The following NAT1 variants were observed in gnomAD, a reference collection of about 807,000 sequenced individuals.
NAT1 encodes arylamine N-acetyltransferase 1.
For synonymous variants in NAT1, 144 were observed against 122.6 expected (o/e 1.17, Z -1.16); for missense variants, 400 against 339.2 (o/e 1.18, Z -1.41).
chr8:18,193,572 T>A (rs1644991396), intron 2 of NAT1, among the ~76,000 whole-genome samples: 1 of 148,184 alleles, frequency 6.7e-6, no homozygotes, highest in African/African-American at 2.5e-5. Flanking sequence ...GAGACAGTCC[T>A]TCTATCATGT....
intron 2 of NAT1, among the ~76,000 whole-genome samples, chr8:18,183,601 C>A (rs1432964524): frequency 6.6e-6 from 1 of 152,202 alleles, no homozygotes; most frequent in Non-Finnish European, 1.5e-5. Flanking sequence ...AATGGTTCAT[C>A]ATTTTCTGTG....
At chr8:18,207,749 T>G (rs1390600424), upstream of NAT1, among the ~76,000 whole-genome samples, 1 of 152,152 alleles carries the variant, frequency 6.6e-6, no homozygotes, top group Non-Finnish European at 1.5e-5. Flanking sequence ...ATTTGACCCA[T>G]CAATCCCATT....
Position 18,222,527 on chromosome 8 carries a change from T to C in NAT1, c.480T>C (p.Tyr160=). 1.9e-6 allele frequency: 3 copies of C among 1,614,142 alleles called. No individual in the cohort carries two copies. Among genetic ancestry groups the C allele is most frequent in the Non-Finnish European group, 1.7e-6 (2 of 1,180,016 alleles). Residue 160 remains tyrosine, a synonymous_variant, in exon 3 of 3, where the codon TAT becomes TAC. Transcript: ENST00000307719. Reference sequence around the variant, plus strand: ...TGACGGAAGAGAATGGATTCTGGTATCTAGACCAAATCAGAAGGGAACAGT... The same window carrying C: ...TGACGGAAGAGAATGGATTCTGGTACCTAGACCAAATCAGAAGGGAACAGT... ...FRLTEENGFW[Y]LDQIRREQYI...
chr8:18,215,068 T>G (rs1250324879), intron 1 of NAT1, among the ~76,000 whole-genome samples: 1 of 152,218 alleles, frequency 6.6e-6, no homozygotes, highest in East Asian at 1.9e-4. Flanking sequence ...AGTACCACAT[T>G]TTCTTTATCC....
intron 2 of NAT1, among the ~76,000 whole-genome samples, chr8:18,188,584 T>G (rs1285054124): frequency 2.0e-5 from 3 of 152,144 alleles, no homozygotes; most frequent in Non-Finnish European, 1.5e-5. Context: ...TATCTTTATT[T>G]TTGTGTATGT....
chr8:18,192,970 C>A (rs1264139967), intron 2 of NAT1, among the ~76,000 whole-genome samples: 1 of 150,748 alleles, frequency 6.6e-6, no homozygotes, highest in Non-Finnish European at 1.5e-5. Flanking sequence ...TGCACATGTA[C>A]CCTAAAACTT....
upstream of NAT1, among the ~76,000 whole-genome samples, chr8:18,205,774 C>T (rs536226912): frequency 2.2e-4 from 33 of 152,284 alleles, no homozygotes; most frequent in South Asian, 6.6e-3. Flanking sequence ...CATGCTAGAG[C>T]TCCTCGCAGG....
intron 2 of NAT1, among the ~76,000 whole-genome samples, chr8:18,184,467 C>T (rs769428778): frequency 2.6e-5 from 4 of 152,182 alleles, no homozygotes; most frequent in Admixed American, 6.6e-5. Flanking sequence ...GATCATTCTC[C>T]CACTTTCTTG....
intron 2 of NAT1, among the ~76,000 whole-genome samples, chr8:18,202,927 C>G (rs1285566836): frequency 1.3e-5 from 2 of 152,114 alleles, no homozygotes; most frequent in Admixed American, 6.5e-5. Context: ...TTTAGAGGCG[C>G]TGATTGGTCC....
Position 18,219,498 on chromosome 8 carries a change from C to T in NAT1, c.-7+9C>T, listed in dbSNP as rs10106882. 89 of 1,516,624 alleles carry T rather than the reference C, an allele frequency of 5.9e-5. No individual in the cohort carries two copies. The African/African-American group carries it at 8.2e-4, about 14-fold the overall frequency. 93.9% of individuals were successfully genotyped at this position (1,516,624 alleles called of 1,614,324 possible). A position where few individuals can be genotyped will look rare whatever the true frequency, so the allele number is the denominator to read the frequency against. On this transcript the variant is annotated intron_variant, in intron 2 of 2. Transcript: ENST00000307719. ...TCAACTTACTAAGAAAGGTATTAAG[C>T]GCCTTTCTGAGAGCTCTCAGTGGGC...
intron 2 of NAT1, among the ~76,000 whole-genome samples, chr8:18,184,751 T>G (rs1375587361): frequency 6.6e-6 from 1 of 152,192 alleles, no homozygotes; most frequent in Non-Finnish European, 1.5e-5. Flanking sequence ...TTAATGCTGT[T>G]GCAAACAGAG....
chr8:18,191,977 A>C (rs954367835), intron 2 of NAT1, among the ~76,000 whole-genome samples: 1 of 152,234 alleles, frequency 6.6e-6, no homozygotes, highest in Non-Finnish European at 1.5e-5. Flanking sequence ...ACAAAAGCCA[A>C]AATTGACAAA....
At chr8:18,205,771 G>C (rs996468188), upstream of NAT1, among the ~76,000 whole-genome samples, 2 of 152,212 alleles carry the variant, frequency 1.3e-5, no homozygotes, top group Admixed American at 1.3e-4. Context: ...CGCCATGCTA[G>C]AGCTCCTCGC....
Position 18,222,738 on chromosome 8 carries a change from G to A in NAT1, c.691G>A (p.Val231Ile). ...SFCSLQTPDGVHCLVGFTLTH... is the reference protein window; with the variant it reads ...SFCSLQTPDGIHCLVGFTLTH... Reference sequence around the variant, plus strand: ...TTGTTCCTTGCAGACCCCAGATGGGGTTCACTGTTTGGTGGGCTTCACCCT... The same window carrying A: ...TTGTTCCTTGCAGACCCCAGATGGGATTCACTGTTTGGTGGGCTTCACCCT... The change falls in exon 3 of 3, where the codon GTT (valine) becomes ATT (isoleucine). Residue 231 changes from valine (V) to isoleucine (I), a missense_variant. Val to Ile is a conservative substitution (Grantham distance 29). Transcript: ENST00000307719. The A allele has an allele frequency of 1.2e-6, 2 of 1,613,896 alleles. No individual in the cohort carries two copies. The highest frequency in any genetic ancestry group is 1.7e-6 in the Non-Finnish European group (2 of 1,179,932).
At chr8:18,175,746 G>T (rs1272972542) in intron 2 of NAT1, among the ~76,000 whole-genome samples, 1 of 152,008 alleles carries the variant, frequency 6.6e-6, no homozygotes, top group East Asian at 1.9e-4. Flanking sequence ...CAATTCCTGG[G>T]TCATATGGTA....
At chr8:18,192,953 C>A (rs1475256069) in intron 2 of NAT1, among the ~76,000 whole-genome samples, 1 of 150,774 alleles carries the variant, frequency 6.6e-6, no homozygotes, top group Non-Finnish European at 1.5e-5. Flanking sequence ...AACTAACCTG[C>A]ACATTGTGCA....
intron 2 of NAT1, among the ~76,000 whole-genome samples, chr8:18,185,165 ATTAACTTCATAAAAGAAG>A (rs1802684442): frequency 6.6e-6 from 1 of 152,182 alleles, no homozygotes. Context: ...CCGACATTAG[ATTAACTTCATAAAAGAAG>A]TTAGGGGAAG....
intron 2 of NAT1, among the ~76,000 whole-genome samples, chr8:18,186,496 G>A (rs187647756): frequency 2.0e-5 from 3 of 152,000 alleles, no homozygotes; most frequent in East Asian, 1.9e-4. Flanking sequence ...CTACACATAT[G>A]TAAGTAGCAT....
intron 2 of NAT1, among the ~76,000 whole-genome samples, chr8:18,173,598 T>C (rs185395925): frequency 4.4e-4 from 67 of 152,286 alleles, no homozygotes; most frequent in Admixed American, 3.7e-3. Context: ...CTCTTCCCAG[T>C]ACTTAGGAGC....
Sources: allele counts gnomAD v4.1 joint callset (sites outside exome capture counted in the v4.1 genomes callset), GRCh38; gene constraint gnomAD v4.1.1; transcripts MANE v1.5; gene names NCBI Gene and HGNC (gene_info 2026-07-23, HGNC 2026-07-21).